CPVL: variants seen among roughly 807,000 people sequenced by gnomAD.
CPVL encodes the protein carboxypeptidase vitellogenic like.
In CPVL, 51 loss-of-function variants were observed where a neutral mutation model predicts 63.7. The observed-to-expected ratio is 0.80, with a 90% CI of 0.64 to 1.01. The LOEUF (loss-of-function observed/expected upper bound fraction) is 1.01. Ranked by LOEUF, CPVL falls within the 50% of genes least tolerant of loss-of-function variation. CPVL has a pLI of 0.00. For missense variants in CPVL, 530 were observed against 573.1 expected, an observed-to-expected ratio of 0.92 and a Z score of 0.77; for synonymous variants, 195 against 206.0, an observed-to-expected ratio of 0.95 and a Z score of 0.46.
chr7:29,039,472 G>A (rs539969230), intron 11 of CPVL, among the ~76,000 whole-genome samples: 1 of 152,174 alleles, frequency 6.6e-6, no homozygotes, highest in African/African-American at 2.4e-5. Flanking sequence ...GTCAGGCAGT[G>A]CCATGATGAT....
intron 1 of CPVL, among the ~76,000 whole-genome samples, chr7:29,189,727 C>G (rs1445137059): frequency 6.6e-6 from 1 of 152,006 alleles, no homozygotes; most frequent in Non-Finnish European, 1.5e-5. Flanking sequence ...TCTTTCCAGT[C>G]AAAGAGACTG....
intron 11 of CPVL, among the ~76,000 whole-genome samples, chr7:29,058,422 T>C (rs1178373690): frequency 1.3e-5 from 2 of 152,094 alleles, no homozygotes; most frequent in Non-Finnish European, 2.9e-5. Flanking sequence ...AGAGGCTTTT[T>C]TGTTGATTCT....
chr7:29,119,402 G>A (rs1322351121), intron 2 of CPVL, among the ~76,000 whole-genome samples: 1 of 150,332 alleles, frequency 6.7e-6, no homozygotes, highest in African/African-American at 2.5e-5. Context: ...CAGGAGAATC[G>A]CTTGAACGCA....
chr7:29,192,625 CTT>C (rs1290022712), intron 1 of CPVL: 1 of 152,246 alleles, frequency 6.6e-6, no homozygotes, highest in Admixed American at 6.5e-5. Context: ...CTTACAATCA[CTT>C]TGGAACACAA....
intron 3 of CPVL, among the ~76,000 whole-genome samples, chr7:29,098,965 T>C (rs957008913): frequency 1.3e-5 from 2 of 152,074 alleles, no homozygotes; most frequent in African/African-American, 4.8e-5. Context: ...CTTGGGAGGC[T>C]AAGGCAGGAG....
intron 5 of CPVL, among the ~76,000 whole-genome samples, chr7:29,157,223 G>A (rs938807278): frequency 2.6e-5 from 4 of 152,142 alleles, no homozygotes; most frequent in African/African-American, 9.7e-5. Flanking sequence ...ACACCTCTGA[G>A]TGGGGAGGAA....
At chr7:29,130,602 A>G (rs1351706554) in intron 1 of CPVL, among the ~76,000 whole-genome samples, 1 of 152,174 alleles carries the variant, frequency 6.6e-6, no homozygotes, top group Admixed American at 6.5e-5. Context: ...ACATATCCAT[A>G]TGAGTAAACT....
intron 1 of CPVL, among the ~76,000 whole-genome samples, chr7:29,121,320 A>T (rs1339187378): frequency 6.6e-6 from 1 of 151,260 alleles, no homozygotes; most frequent in Non-Finnish European, 1.5e-5. Context: ...TTTTTTTTTT[A>T]AACAGAGTCT....
chr7:29,059,382 G>A (rs890379908), intron 11 of CPVL, among the ~76,000 whole-genome samples: 12 of 151,928 alleles, frequency 7.9e-5, no homozygotes, highest in Non-Finnish European at 1.8e-4. Flanking sequence ...CCTAAGCCAG[G>A]CAAAGATATC....
At chr7:29,126,033 C>T (rs1789983239) in intron 1 of CPVL, among the ~76,000 whole-genome samples, 1 of 152,116 alleles carries the variant, frequency 6.6e-6, no homozygotes, top group Admixed American at 6.5e-5. Flanking sequence ...TTCAACAGAG[C>T]CACCGTTAAC....
intron 6 of CPVL, 35 bp downstream of exon 6, chr7:29,092,588 C>G (rs1173165292): frequency 6.7e-7 from 1 of 1,494,132 alleles, no homozygotes; most frequent in Non-Finnish European, 9.3e-7. Flanking sequence ...AATGTTTGGT[C>G]TTAGGAAAGC....
At chr7:29,112,908 T>C in intron 2 of CPVL, 86 bp from the exon 3 acceptor site, 1 of 921,944 alleles carries the variant, frequency 1.1e-6, no homozygotes, top group East Asian at 2.5e-5. Flanking sequence ...CTGGATGAAA[T>C]GGAGTGATTA....
At chr7:29,031,200 C>T (rs1005272795) in intron 11 of CPVL, among the ~76,000 whole-genome samples, 2 of 152,182 alleles carry the variant, frequency 1.3e-5, no homozygotes, top group African/African-American at 2.4e-5. Context: ...ATCCATATTG[C>T]TCTCCTCTCC....
At chr7:29,190,122 T>C (rs1363667935) in intron 1 of CPVL, among the ~76,000 whole-genome samples, 1 of 152,196 alleles carries the variant, frequency 6.6e-6, no homozygotes, top group Non-Finnish European at 1.5e-5. Flanking sequence ...GAAGAGCCAA[T>C]GCGTTCTCTT....
In CPVL at chr7:29,146,414, G is replaced by A. The variant is rs925531811; in HGVS notation, c.-11+15C>T. On this transcript the variant is annotated intron_variant, in intron 1 of 12. Transcript: ENST00000265394. ...GCTGAGCTGGCACGACCCACGCAGG[G>A]CAGGCGGCACTTACGCGGCGCAGTC... 7 of 1,013,540 alleles carry A rather than the reference G, an allele frequency of 6.9e-6. No homozygotes were observed. Among genetic ancestry groups the A allele is most frequent in the African/African-American group, 4.9e-5 (3 of 61,516 alleles). The allele number at this position is 1,013,540 out of a possible 1,614,324, so 62.8% of individuals were successfully genotyped here.
At chr7:29,093,418 G>A (rs955564499) in intron 5 of CPVL, among the ~76,000 whole-genome samples, 8 of 148,868 alleles carry the variant, frequency 5.4e-5, no homozygotes, top group Non-Finnish European at 1.0e-4. Flanking sequence ...TCTTTAGGCT[G>A]AAGAAAAAGG....
At chr7:29,130,814 G>C (rs762098744) in intron 1 of CPVL, among the ~76,000 whole-genome samples, 8 of 152,162 alleles carry the variant, frequency 5.3e-5, no homozygotes, top group Non-Finnish European at 8.8e-5. Context: ...TTGTCCATTT[G>C]CAGAATTTAT....
intron 6 of CPVL, among the ~76,000 whole-genome samples, chr7:29,087,606 G>T (rs1376494100): frequency 3.3e-5 from 5 of 152,160 alleles, no homozygotes. Flanking sequence ...AGCTCTATGA[G>T]TGTTTTGACC....
intron 5 of CPVL, among the ~76,000 whole-genome samples, chr7:29,170,985 A>C (rs953703233): frequency 6.6e-6 from 1 of 152,178 alleles, no homozygotes; most frequent in Non-Finnish European, 1.5e-5. Flanking sequence ...GGTCCCTCCC[A>C]CAACATGTCG....
Sources: allele counts gnomAD v4.1 joint callset (sites outside exome capture counted in the v4.1 genomes callset), GRCh38; gene constraint gnomAD v4.1.1; transcripts MANE v1.5; gene names NCBI Gene and HGNC (gene_info 2026-07-23, HGNC 2026-07-21).